The following MGAT5 variants were observed in gnomAD, a reference collection of about 807,000 sequenced individuals.
MGAT5 encodes alpha-1,6-mannosylglycoprotein 6-beta-N-acetylglucosaminyltransferase A.
A neutral mutation model predicts 94.3 loss-of-function variants in MGAT5; 30 were observed. That is an observed-to-expected ratio of 0.32 (90% confidence interval 0.24 to 0.43). The LOEUF is 0.43. Among genes scored for constraint, MGAT5 ranks in the 20% least tolerant of loss-of-function variants. The pLI, the probability that MGAT5 is intolerant of heterozygous loss-of-function variation, is 1.00. For missense variants in MGAT5, 691 were observed against 905.5 expected (o/e 0.76, Z 3.04); for synonymous variants, 310 against 322.9 (o/e 0.96, Z 0.43).
At chr2:134,204,611 C>A (rs1390757691) in intron 1 of MGAT5, among the ~76,000 whole-genome samples, 1 of 152,018 alleles carries the variant, frequency 6.6e-6, no homozygotes, top group African/African-American at 2.4e-5. Flanking sequence ...AAGGGCAGTA[C>A]CCCAGGAAGG....
intron 11 of MGAT5, among the ~76,000 whole-genome samples, chr2:134,408,134 C>T (rs554271517): frequency 6.6e-6 from 1 of 152,244 alleles, no homozygotes; most frequent in East Asian, 1.9e-4. Flanking sequence ...TGTTTTGCTG[C>T]CTCCGTGTTG....
chr2:134,294,548 G>A (rs577986215), intron 2 of MGAT5, among the ~76,000 whole-genome samples: 18 of 152,280 alleles, frequency 1.2e-4, no homozygotes, highest in African/African-American at 3.8e-4. Flanking sequence ...TTTATAGAAG[G>A]TAGGTGTAAA....
At chr2:134,208,647 TGGTCTTTATC>T (rs1466853253) in intron 1 of MGAT5, among the ~76,000 whole-genome samples, 3 of 152,218 alleles carry the variant, frequency 2.0e-5, no homozygotes, top group Non-Finnish European at 4.4e-5. Context: ...ACCAGAAACA[TGGTCTTTATC>T]CCATTTGTGG....
intron 10 of MGAT5, among the ~76,000 whole-genome samples, chr2:134,397,521 C>T (rs939353647): frequency 1.1e-4 from 17 of 152,126 alleles, no homozygotes; most frequent in African/African-American, 3.6e-4. Flanking sequence ...GGGTTTTATT[C>T]GCCCTGCTCC....
chr2:134,130,049 T>C (rs1414407127), intron 1 of MGAT5, among the ~76,000 whole-genome samples: 1 of 152,114 alleles, frequency 6.6e-6, no homozygotes, highest in Non-Finnish European at 1.5e-5. Flanking sequence ...GCTGGGGCAG[T>C]GAGGGGCTTA....
At chr2:134,381,959 G>C (rs1331495014) in intron 10 of MGAT5, among the ~76,000 whole-genome samples, 1 of 152,120 alleles carries the variant, frequency 6.6e-6, no homozygotes, top group Non-Finnish European at 1.5e-5. Flanking sequence ...TTTTCTAATA[G>C]AGCCTGGTTA....
intron 2 of MGAT5, among the ~76,000 whole-genome samples, chr2:134,293,122 A>AT (rs1685470842): frequency 6.6e-6 from 1 of 152,186 alleles, no homozygotes; most frequent in Non-Finnish European, 1.5e-5. Flanking sequence ...ATTACAATTC[A>AT]TTTTGGGTAT....
chr2:134,157,992 C>T (rs746348398), intron 1 of MGAT5, among the ~76,000 whole-genome samples: 5 of 152,230 alleles, frequency 3.3e-5, no homozygotes, highest in East Asian at 1.9e-4. Flanking sequence ...CTTGTCTCTG[C>T]GGACAGGTTG....
intron 1 of MGAT5, among the ~76,000 whole-genome samples, chr2:134,269,748 TC>T (rs1293868373): frequency 1.3e-5 from 2 of 152,186 alleles, no homozygotes; most frequent in African/African-American, 4.8e-5. Flanking sequence ...TGAGAGTATA[TC>T]CCCAGCATCT....
At chr2:134,161,345 G>A (rs1366650693) in intron 1 of MGAT5, among the ~76,000 whole-genome samples, 1 of 152,210 alleles carries the variant, frequency 6.6e-6, no homozygotes, top group African/African-American at 2.4e-5. Context: ...CGGGAAGGAA[G>A]TGAAGTCATT....
chr2:134,219,951 T>C (rs1364582783), intron 1 of MGAT5, among the ~76,000 whole-genome samples: 1 of 152,102 alleles, frequency 6.6e-6, no homozygotes, highest in African/African-American at 2.4e-5. Context: ...ACAACTGAAT[T>C]CATAGGAGTA....
At chr2:134,162,373 C>T (rs1687777484) in intron 1 of MGAT5, among the ~76,000 whole-genome samples, 1 of 152,094 alleles carries the variant, frequency 6.6e-6, no homozygotes, top group Non-Finnish European at 1.5e-5. Context: ...AAGGAGATGG[C>T]AGTGAGGCAA....
At chr2:134,287,318 A>T (rs1158366402) in intron 2 of MGAT5, among the ~76,000 whole-genome samples, 1 of 152,218 alleles carries the variant, frequency 6.6e-6, no homozygotes, top group Admixed American at 6.5e-5. Context: ...CTCTGATTTC[A>T]TGAATCAATA....
chr2:134,158,558 G>C (rs1687585289), intron 1 of MGAT5, among the ~76,000 whole-genome samples: 1 of 152,222 alleles, frequency 6.6e-6, no homozygotes, highest in Non-Finnish European at 1.5e-5. Flanking sequence ...GGCTGGGGGT[G>C]CTAACTGGAC....
intron 14 of MGAT5, among the ~76,000 whole-genome samples, chr2:134,433,338 G>GT (rs1306316624): frequency 6.6e-6 from 1 of 152,218 alleles, no homozygotes; most frequent in African/African-American, 2.4e-5. Context: ...AATGTGGTAG[G>GT]TGCTGTTGTG....
At chr2:134,447,075 G>T (rs1372110255) in intron 15 of MGAT5, among the ~76,000 whole-genome samples, 2 of 152,170 alleles carry the variant, frequency 1.3e-5, no homozygotes, top group East Asian at 3.9e-4. Flanking sequence ...ATATGCATAC[G>T]CATGCACGCA....
intron 1 of MGAT5, among the ~76,000 whole-genome samples, chr2:134,261,812 TAGC>T (rs1421707519): frequency 1.3e-5 from 2 of 152,206 alleles, no homozygotes; most frequent in Non-Finnish European, 2.9e-5. Flanking sequence ...CATGAATGAA[TAGC>T]AGCAGCCCCT....
intron 9 of MGAT5, among the ~76,000 whole-genome samples, chr2:134,361,580 G>T (rs542595232): frequency 1.3e-5 from 2 of 152,316 alleles, no homozygotes; most frequent in East Asian, 3.9e-4. Context: ...ACCCAAATGA[G>T]AGAAATCCAA....
intron 10 of MGAT5, among the ~76,000 whole-genome samples, chr2:134,368,097 T>G (rs1283109786): frequency 6.6e-6 from 1 of 152,192 alleles, no homozygotes; most frequent in African/African-American, 2.4e-5. Context: ...TCTTGGAGAC[T>G]TGCCTTCCTG....
Sources: gnomAD v4.1 joint callset for allele counts (sites outside exome capture counted in the v4.1 genomes callset) on GRCh38, gnomAD v4.1.1 for gene constraint, MANE v1.5 for transcripts, NCBI Gene and HGNC (gene_info 2026-07-23, HGNC 2026-07-21) for gene names.